PASD1: variants seen among roughly 807,000 people sequenced by gnomAD.
PASD1 encodes the protein circadian clock protein PASD1.
A neutral mutation model predicts 58.8 loss-of-function variants in PASD1; 13 were observed. The ratio of observed to expected loss-of-function variants is 0.22; its 90% CI spans 0.14 to 0.35. The LOEUF (loss-of-function observed/expected upper bound fraction) is 0.35. Ranked by LOEUF, PASD1 falls within the 10% of genes least tolerant of loss-of-function variation. The probability of loss-of-function intolerance (pLI) is 1.00; values close to 1 mark genes in which losing one functional copy is unlikely to be tolerated. For missense variants in PASD1, 734 were observed against 568.3 expected (o/e 1.29, Z -2.96); for synonymous variants, 236 against 216.7 (o/e 1.09, Z -0.78).
intron 1 of PASD1, among the ~76,000 whole-genome samples, chrX:151,569,160 A>G (rs1203884098): frequency 8.9e-6 from 1 of 112,304 alleles, no homozygotes; most frequent in Non-Finnish European, 1.9e-5. Flanking sequence ...GGGAGAATGA[A>G]CTTGTAGGTT....
At chrX:151,636,686 G>A (rs145079036) in intron 8 of PASD1, among the ~76,000 whole-genome samples, 1,199 of 111,828 alleles carry the variant, frequency 0.011, 8 homozygotes, top group African/African-American at 0.037. Context: ...TTACAGGCAT[G>A]AGCCACCGTG....
At chrX:151,636,940 C>CTA (rs2013938693) in intron 8 of PASD1, among the ~76,000 whole-genome samples, 1 of 111,731 alleles carries the variant, frequency 9.0e-6, no homozygotes, top group South Asian at 3.8e-4. Context: ...AACCACTGAT[C>CTA]TATACTTCAT....
chrX:151,640,106 T>A (rs2013979913), intron 8 of PASD1, among the ~76,000 whole-genome samples: 1 of 112,173 alleles, frequency 8.9e-6, no homozygotes, highest in Middle Eastern at 4.6e-3. Flanking sequence ...CTTAGAGGGA[T>A]GACTGAGACA....
intron 4 of PASD1, among the ~76,000 whole-genome samples, chrX:151,613,179 C>G (rs748138668): frequency 4.5e-5 from 5 of 111,412 alleles, no homozygotes; most frequent in African/African-American, 1.6e-4. Flanking sequence ...TGGTCTATAT[C>G]TCTGTTTTGG....
intron 2 of PASD1, among the ~76,000 whole-genome samples, chrX:151,602,453 G>T (rs1200025596): frequency 9.0e-6 from 1 of 111,107 alleles, no homozygotes; most frequent in East Asian, 2.8e-4. Context: ...TTGGCACTTT[G>T]GGAGGCCGAG....
At chrX:151,586,649 C>G (rs190461946) in intron 1 of PASD1, among the ~76,000 whole-genome samples, 1 of 111,780 alleles carries the variant, frequency 8.9e-6, no homozygotes, top group African/African-American at 3.2e-5. Context: ...TACTTCAAGG[C>G]CCCAACCTCT....
intron 11 of PASD1, among the ~76,000 whole-genome samples, chrX:151,666,691 A>G (rs986486903): frequency 1.1e-5 from 1 of 92,897 alleles, no homozygotes; most frequent in African/African-American, 4.1e-5. Context: ...AGCTTCATCC[A>G]TGTCCCTACA....
chrX:151,640,697 A>G (rs777894641), intron 8 of PASD1, among the ~76,000 whole-genome samples: 1 of 111,886 alleles, frequency 8.9e-6, no homozygotes, highest in South Asian at 3.8e-4. Context: ...TAGCCTTGAC[A>G]TTCATTCTGC....
chrX:151,674,164 A>G lies in PASD1; in HGVS notation c.2153A>G (p.His718Arg). The G allele has an allele frequency of 8.3e-7, 1 of 1,211,979 alleles. No homozygotes were observed. Reference sequence around the variant, plus strand: ...TCTTGCGATGAGCAGGGCACCCTGCACGGCCAACCCACCTACCATCAGGTA... The same window carrying G: ...TCTTGCGATGAGCAGGGCACCCTGCGCGGCCAACCCACCTACCATCAGGTA... ...TWSCDEQGTL[H>R]GQPTYHQVQV... The change falls in exon 15 of 16, where the codon CAC (histidine) becomes CGC (arginine). Residue 718 changes from histidine to arginine, a missense_variant. Transcript: ENST00000370357.
At chrX:151,584,885 A>G (rs932882745) in intron 1 of PASD1, among the ~76,000 whole-genome samples, 1 of 112,114 alleles carries the variant, frequency 8.9e-6, no homozygotes, top group Non-Finnish European at 1.9e-5. Flanking sequence ...ATAGGACCAT[A>G]TTCTGTCACT....
Position 151,676,038 on chromosome X carries a change from AC to A in PASD1, c.2218del (p.Gln740ArgfsTer14), listed in dbSNP as rs2014539242. The A allele has an allele frequency of 1.7e-6, 2 of 1,209,770 alleles. No homozygotes were observed. Among genetic ancestry groups the A allele is most frequent in the Non-Finnish European group, 2.2e-6 (2 of 894,832 alleles). ...TAGGAGTCGAGGGACCTCCTGATCCACAGGCTTTCCAAGGCCCTGCTGCATA... is the reference window on the plus strand; with the variant it reads ...TAGGAGTCGAGGGACCTCCTGATCCAAGGCTTTCCAAGGCCCTGCTGCATA... ...EVGVEGPPDP[Q>X]AFQGPAAYQP... is the part of the protein sequence containing the mutation. On this transcript the variant is annotated frameshift_variant, in exon 16 of 16. Coordinates refer to ENST00000370357, the MANE Select transcript of PASD1 (RefSeq NM_173493.3). LOFTEE classifies it low-confidence loss of function (END_TRUNC).
intron 8 of PASD1, among the ~76,000 whole-genome samples, chrX:151,646,412 T>G (rs995686071): frequency 6.2e-5 from 7 of 112,563 alleles, no homozygotes; most frequent in African/African-American, 2.3e-4. Flanking sequence ...TAGAACTTTC[T>G]GTGATGATTG....
At chrX:151,640,468 T>G (rs2013983464) in intron 8 of PASD1, among the ~76,000 whole-genome samples, 1 of 112,252 alleles carries the variant, frequency 8.9e-6, no homozygotes, top group Admixed American at 9.5e-5. Context: ...TCAGTTCTAG[T>G]CCTTCAAAAA....
intron 1 of PASD1, among the ~76,000 whole-genome samples, chrX:151,599,204 T>A (rs1235615721): frequency 9.0e-6 from 1 of 111,576 alleles, no homozygotes; most frequent in African/African-American, 3.2e-5. Flanking sequence ...CAAAATGGAG[T>A]CTCCTATGTC....
At chrX:151,631,098 G>A (rs1428636437) in intron 8 of PASD1, among the ~76,000 whole-genome samples, 1 of 112,198 alleles carries the variant, frequency 8.9e-6, no homozygotes, top group Non-Finnish European at 1.9e-5. Context: ...TGCATGTATT[G>A]GTAAGGCCCA....
chrX:151,625,978 T>C (rs1238498998), intron 8 of PASD1, among the ~76,000 whole-genome samples: 2 of 111,665 alleles, frequency 1.8e-5, no homozygotes, highest in Non-Finnish European at 3.8e-5. Context: ...AATAGCAGTC[T>C]ACTAGTCTGA....
chrX:151,658,281 A>T lies in PASD1; in HGVS notation c.718-1432A>T, dbSNP rs905420007. Among the ~76,000 whole-genome samples, 3 of 112,298 alleles carry T rather than the reference A, an allele frequency of 2.7e-5. No homozygotes were observed. In the Admixed American group the frequency reaches 2.8e-4, roughly 11 times the overall value. ...ATGCATGCATTTTCACCTTAGTCCT[A>T]ATTGCATTTTAAACTGTTATCTTTT... On this transcript the variant is annotated intron_variant, in intron 9 of 15. Transcript: ENST00000370357.
At chrX:151,593,875 G>C (rs1000598477) in intron 1 of PASD1, among the ~76,000 whole-genome samples, 3 of 111,591 alleles carry the variant, frequency 2.7e-5, no homozygotes, top group East Asian at 2.8e-4. Context: ...TAATTAAATT[G>C]AGTTTCTTAT....
rs182283209 is a variant in PASD1, at chrX:151,621,278, T to C, written c.308-204T>C. Among the ~76,000 whole-genome samples the C allele has an allele frequency of 2.7e-5, 3 of 111,801 alleles. No homozygotes were observed. In the East Asian group the frequency reaches 8.5e-4, roughly 32 times the overall value. ...AATTGCATTAGTGCTATATAAATGA[T>C]GGACCATTGTATATAGCGTTCTAGC... On this transcript the variant is annotated intron_variant, in intron 5 of 15. Coordinates refer to ENST00000370357, the MANE Select transcript of PASD1 (RefSeq NM_173493.3).
Sources: allele counts gnomAD v4.1 joint callset (sites outside exome capture counted in the v4.1 genomes callset), GRCh38; gene constraint gnomAD v4.1.1; transcripts MANE v1.5; gene names NCBI Gene and HGNC (gene_info 2026-07-23, HGNC 2026-07-21).